Variants in ZBED4 observed in about 807,000 individuals in gnomAD.
The protein encoded by ZBED4 is zinc finger BED domain-containing protein 4.
Under a neutral mutation model 15.5 loss-of-function variants are expected in ZBED4, and 4 were observed. The observed-to-expected ratio is 0.26, with a 90% CI of 0.13 to 0.59. The LOEUF is 0.59. Among genes scored for constraint, ZBED4 ranks in the 20% least tolerant of loss-of-function variants. ZBED4 has a pLI of 0.90. For missense variants in ZBED4, 1,323 were observed against 1,461.8 expected, an observed-to-expected ratio of 0.91 and a Z score of 1.55; for synonymous variants, 692 against 608.5, an observed-to-expected ratio of 1.14 and a Z score of -2.02.
intron 1 of ZBED4, among the ~76,000 whole-genome samples, chr22:49,870,943 AT>A (rs61472662): frequency 0.63 from 86,937 of 138,024 alleles, 30,777 homozygotes; most frequent in East Asian, 0.84. Context: ...TAAAAGATAG[AT>A]TTTTTTTTTT....
rs924008336 is a variant in ZBED4 at position 49,887,195 on chromosome 22, A to G, written c.*17A>G. Reference sequence around the variant, plus strand: ...CAGTATTGAAACTCACGACGGCACCACTAGGCCAGAGGCGTGGCTGCCCCA... The same window carrying G: ...CAGTATTGAAACTCACGACGGCACCGCTAGGCCAGAGGCGTGGCTGCCCCA... On this transcript the variant is annotated 3_prime_UTR_variant, in exon 2 of 2. Transcript: ENST00000216268. The G allele has an allele frequency of 1.9e-6, 3 of 1,592,000 alleles. No individual in the cohort carries two copies. Among genetic ancestry groups the G allele is most frequent in the African/African-American group, 2.7e-5 (2 of 74,360 alleles).
intron 1 of ZBED4, among the ~76,000 whole-genome samples, chr22:49,882,496 T>C (rs2060414462): frequency 6.6e-6 from 1 of 152,260 alleles, no homozygotes; most frequent in Non-Finnish European, 1.5e-5. Context: ...GAAAACATGC[T>C]TTTGTTGCTA....
rs773385687 is a variant in ZBED4, at chr22:49,885,410, G to T, written c.1748G>T (p.Gly583Val). 2 of 1,607,026 alleles carry T rather than the reference G, an allele frequency of 1.2e-6. No homozygotes were observed. Among genetic ancestry groups the T allele is most frequent in the South Asian group, 2.2e-5 (2 of 90,978 alleles). ...ACAAAAGTCGTGTGCTTGCACTGTG[G>T]CCGGACCATCAGCCGGGGGAAGAAG... is the stretch of plus-strand genomic sequence containing the variant. ...DSTKVVCLHC[G>V]RTISRGKKPT... The change falls in exon 2 of 2, where the codon GGC (glycine) becomes GTC (valine). Residue 583 changes from glycine to valine, a missense_variant. By Grantham distance (109) the Gly-to-Val change is moderately radical. Around this residue, in one of 6 missense-constraint regions of ZBED4, gnomAD observed 429 missense variants for 397.9 expected, o/e 1.08. Transcript: ENST00000216268.
intron 1 of ZBED4, among the ~76,000 whole-genome samples, chr22:49,869,648 T>G (rs1160979877): frequency 6.6e-6 from 1 of 152,230 alleles, no homozygotes; most frequent in African/African-American, 2.4e-5. Flanking sequence ...ATTGGTTTTT[T>G]TCTTAAAATA....
In ZBED4 at chr22:49,883,420, T is replaced by C. The variant is rs1266072088; in HGVS notation, c.-243T>C. 3 of 413,134 alleles carry C rather than the reference T, an allele frequency of 7.3e-6. No homozygotes were observed. The highest frequency in any genetic ancestry group is 4.0e-5 in the Admixed American group (1 of 24,798). 25.6% of individuals were successfully genotyped at this position (413,134 alleles called of 1,614,324 possible). Reference sequence around the variant, plus strand: ...CAGAAGCACGTCTCTGCTGCACACATTGTTGTCTACACCATGAGTGTTTAG... The same window carrying C: ...CAGAAGCACGTCTCTGCTGCACACACTGTTGTCTACACCATGAGTGTTTAG... On this transcript the variant is annotated 5_prime_UTR_variant, in exon 2 of 2. Coordinates refer to ENST00000216268, the MANE Select transcript of ZBED4 (RefSeq NM_014838.3).
At chr22:49,875,482 G>A (rs946086820) in intron 1 of ZBED4, among the ~76,000 whole-genome samples, 4 of 150,402 alleles carry the variant, frequency 2.7e-5, no homozygotes, top group Non-Finnish European at 4.4e-5. Context: ...GTACAGTGGC[G>A]CCATCTTGGC....
chr22:49,869,354 T>TTATC (rs2060336161), intron 1 of ZBED4, among the ~76,000 whole-genome samples: 1 of 152,104 alleles, frequency 6.6e-6, no homozygotes, highest in Non-Finnish European at 1.5e-5. Flanking sequence ...ACCCGCGTGG[T>TTATC]GGTTATCCAC....
chr22:49,886,805 G>A lies in ZBED4; in HGVS notation c.3143G>A (p.Arg1048Lys). The change falls in exon 2 of 2, where the codon AGG becomes AAG. Residue 1048 changes from arginine (R) to lysine (K), a missense_variant. Arg to Lys is a conservative substitution (Grantham distance 26). Around this residue, in one of 6 missense-constraint regions of ZBED4, gnomAD observed 312 missense variants for 410.7 expected, o/e 0.76. Coordinates refer to ENST00000216268, the MANE Select transcript of ZBED4 (RefSeq NM_014838.3). This position sits in a 1 kb window ranked among gnomAD's most constrained non-coding sequence, Gnocchi z 7.7. ...TCAGAGGACGTGGCTGCCTCCCACA[G>A]GTGTGATGCTGGCTCCCCGTCGAAA... ...STSEDVAASH[R>K]CDAGSPSKDS... 6.2e-7 allele frequency: 1 copy of A among 1,613,404 alleles called. No individual in the cohort carries two copies. The highest frequency in any genetic ancestry group is 8.5e-7 in the Non-Finnish European group (1 of 1,179,790).
intron 1 of ZBED4, among the ~76,000 whole-genome samples, chr22:49,868,625 C>T (rs1441033784): frequency 6.6e-6 from 1 of 151,824 alleles, no homozygotes; most frequent in Non-Finnish European, 1.5e-5. Flanking sequence ...CTCTTGGACA[C>T]GATGTGATTA....
intron 1 of ZBED4, among the ~76,000 whole-genome samples, chr22:49,875,578 G>A (rs980688577): frequency 3.3e-5 from 5 of 151,544 alleles, no homozygotes; most frequent in East Asian, 1.9e-4. Flanking sequence ...GCACCACCAC[G>A]CCCGGCTAAT....
chr22:49,886,821 C>T lies in ZBED4; in HGVS notation c.3159C>T (p.Ser1053=), dbSNP rs148745138. Residue 1053 remains serine, a synonymous_variant, in exon 2 of 2, where the codon TCC becomes TCT. Transcript: ENST00000216268. This position sits in a 1 kb window ranked among gnomAD's most constrained non-coding sequence, Gnocchi z 7.7. ...CCTCCCACAGGTGTGATGCTGGCTC[C>T]CCGTCGAAAGACTCTGCCGCAGAGG... The part of the protein sequence containing the change: ...VAASHRCDAG[S]PSKDSAAEEN... 1.2e-5 allele frequency: 20 copies of T among 1,613,540 alleles called. No homozygotes were observed. The highest frequency in any genetic ancestry group is 1.5e-5 in the Non-Finnish European group (18 of 1,179,922).
chr22:49,869,822 CT>C (rs141914833), intron 1 of ZBED4, among the ~76,000 whole-genome samples: 1,843 of 152,284 alleles, frequency 0.012, 22 homozygotes, highest in African/African-American at 0.042. Flanking sequence ...AGAATTTCAA[CT>C]TTGATTTTAG....
Position 49,886,552 on chromosome 22 carries a change from C to T in ZBED4, c.2890C>T (p.Leu964Phe), listed in dbSNP as rs775648729. Residue 964 changes from leucine to phenylalanine, a missense_variant, in exon 2 of 2, where the codon CTC (leucine) becomes TTC (phenylalanine). Leu to Phe is a conservative substitution (Grantham distance 22, BLOSUM62 0). This residue lies in a region of ZBED4 where 312 missense variants were observed against 410.7 expected (regional missense o/e 0.76). Transcript: ENST00000216268. The surrounding 1 kb of genome is among the most constrained non-coding windows in gnomAD (Gnocchi z 7.7). Reference protein sequence around the residue: ...LSQVIPMVHILNRKVEMLFEE... With the variant: ...LSQVIPMVHIFNRKVEMLFEE... ...CCAGGTCATCCCCATGGTACACATC[C>T]TCAACAGGAAGGTGGAGATGCTCTT... The T allele has an allele frequency of 6.4e-7, 1 of 1,563,108 alleles. No homozygotes were observed. The highest frequency in any genetic ancestry group is 1.4e-5 in the African/African-American group (1 of 73,846).
Position 49,883,081 on chromosome 22 carries a change from A to C in ZBED4, c.-329-253A>C, listed in dbSNP as rs75309327. ...ACCTCTTTATACCATTCTAGGTTTT[A>C]ATTCATGTTCCCCAATCCTTTATTA... On this transcript the variant is annotated intron_variant, in intron 1 of 1. Transcript: ENST00000216268. Among the ~76,000 whole-genome samples, 252 of 152,300 alleles carry C rather than the reference A, an allele frequency of 1.7e-3. 7 individuals carry two copies. In the East Asian group the frequency reaches 0.04, roughly 24 times the overall value.
At chr22:49,867,649 C>A (rs565819862) in intron 1 of ZBED4, among the ~76,000 whole-genome samples, 12 of 152,294 alleles carry the variant, frequency 7.9e-5, no homozygotes, top group African/African-American at 2.6e-4. Flanking sequence ...TCCAGTGATA[C>A]CTGTTGGCTA....
chr22:49,883,652 T>TA lies in ZBED4; in HGVS notation c.-10dup. On this transcript the variant is annotated 5_prime_UTR_variant, in exon 2 of 2. In the 5' UTR this introduces an upstream ATG that the reference lacks. Coordinates refer to ENST00000216268, the MANE Select transcript of ZBED4 (RefSeq NM_014838.3). The stretch of plus-strand genomic sequence containing the variant: ...GAACCTAAGATACAGCCGGAGTAGT[T>TA]ATGGTCAGTCATGGAGAATAACTTG... 6.5e-7 allele frequency: 1 copy of TA among 1,546,476 alleles called. No homozygotes were observed. Among genetic ancestry groups the TA allele is most frequent in the African/African-American group, 1.4e-5 (1 of 73,268 alleles).
intron 1 of ZBED4, among the ~76,000 whole-genome samples, chr22:49,856,888 A>C (rs1051136879): frequency 3.3e-5 from 5 of 150,630 alleles, no homozygotes; most frequent in South Asian, 2.1e-4. Flanking sequence ...CCAGCTTCCC[A>C]CCTCATTCTA....
intron 1 of ZBED4, among the ~76,000 whole-genome samples, chr22:49,869,508 T>C (rs1332752980): frequency 6.6e-6 from 1 of 152,246 alleles, no homozygotes; most frequent in Non-Finnish European, 1.5e-5. Flanking sequence ...TAGTTCCTGT[T>C]TATTCCTCAG....
intron 1 of ZBED4, among the ~76,000 whole-genome samples, chr22:49,864,370 A>G (rs2060310524): frequency 6.6e-6 from 1 of 152,244 alleles, no homozygotes; most frequent in Admixed American, 6.5e-5. Flanking sequence ...ATTACTGAAA[A>G]CAGTGAAGAT....
Sources: gnomAD v4.1 joint callset for allele counts (sites outside exome capture counted in the v4.1 genomes callset) on GRCh38, gnomAD v4.1.1 for gene constraint, gnomAD v4.1.1 regional missense constraint, Gnocchi (gnomAD v3.1) non-coding constraint, MANE v1.5 for transcripts, NCBI Gene and HGNC (gene_info 2026-07-23, HGNC 2026-07-21) for gene names.